NOTUM: variants seen among roughly 807,000 people sequenced by gnomAD.
NOTUM encodes notum, palmitoleoyl-protein carboxylesterase.
In NOTUM, 36 loss-of-function variants were observed where a neutral mutation model predicts 65.5. The observed-to-expected ratio is 0.55, with a 90% CI of 0.42 to 0.73. The LOEUF is 0.73. Among genes scored for constraint, NOTUM ranks in the 30% least tolerant of loss-of-function variants. The probability of loss-of-function intolerance (pLI) is 0.00; values close to 1 mark genes in which losing one functional copy is unlikely to be tolerated. For missense variants in NOTUM, 659 were observed against 694.2 expected (o/e 0.95, Z 0.57); for synonymous variants, 356 against 297.9 (o/e 1.20, Z -2.01).
chr17:81,958,352 G>A lies in NOTUM; in HGVS notation c.575C>T (p.Ser192Leu), dbSNP rs2041448971. The A allele has an allele frequency of 1.2e-6, 2 of 1,610,250 alleles. No homozygotes were observed. The highest frequency in any genetic ancestry group is 1.7e-6 in the Non-Finnish European group (2 of 1,177,866). ...AGACTCACTCTTCTCAGACTTGGATGAAGCCCCGCTCCAAACATCACTGGA... is the reference window on the plus strand; with the variant it reads ...AGACTCACTCTTCTCAGACTTGGATAAAGCCCCGCTCCAAACATCACTGGA... ...YCSSDVWSGASSKSEKNEYAF... is the reference protein window; with the variant it reads ...YCSSDVWSGALSKSEKNEYAF... Residue 192 changes from serine (S) to leucine (L), a missense_variant, in exon 5 of 11, where the codon TCA becomes TTA. Coordinates refer to ENST00000409678, the MANE Select transcript of NOTUM (RefSeq NM_178493.6).
chr17:81,957,950 G>C, intron 5 of NOTUM, 42 bp from the exon 6 acceptor site: 1 of 1,399,270 alleles, frequency 7.1e-7, no homozygotes, highest in Non-Finnish European at 9.9e-7. Context: ...GGCCTGGACA[G>C]AGAGAACCAC....
In NOTUM at chr17:81,953,095, G is replaced by T; in HGVS notation, c.1357C>A (p.Arg453=). 6.2e-7 allele frequency: 1 copy of T among 1,613,958 alleles called. No homozygotes were observed. Among genetic ancestry groups the T allele is most frequent in the Non-Finnish European group, 8.5e-7 (1 of 1,179,906 alleles). Residue 453 remains arginine, a synonymous_variant, in exon 11 of 11, where the codon CGA becomes AGA. Coordinates refer to ENST00000409678, the MANE Select transcript of NOTUM (RefSeq NM_178493.6). ...ATCTCTTGCCCCGTGAACTGGTCTCGGACGGTGGGGCATGAGGGGTTGCAG... is the reference window on the plus strand; with the variant it reads ...ATCTCTTGCCCCGTGAACTGGTCTCTGACGGTGGGGCATGAGGGGTTGCAG... ...PHCNPSCPTV[R]DQFTGQEMNV...
intron 8 of NOTUM, among the ~76,000 whole-genome samples, chr17:81,956,116 C>T (rs2041431486): frequency 6.6e-6 from 1 of 152,214 alleles, no homozygotes; most frequent in South Asian, 2.1e-4. Flanking sequence ...AAATCAACAA[C>T]TAAATCAATA....
chr17:81,957,960 C>T, intron 5 of NOTUM, 52 bp from the exon 6 acceptor site: 5 of 1,295,838 alleles, frequency 3.9e-6, no homozygotes, highest in East Asian at 2.5e-5. Flanking sequence ...GAGAGAACCA[C>T]CTCCTACCCC....
chr17:81,957,148 A>G, intron 6 of NOTUM, 74 bp from the exon 7 acceptor site: 5 of 1,338,902 alleles, frequency 3.7e-6, no homozygotes, highest in Non-Finnish European at 5.1e-6. Flanking sequence ...GCTCAGCGTC[A>G]GCCCGTGCCC....
In NOTUM at chr17:81,960,079, G is replaced by A. The variant is rs2041462896; in HGVS notation, c.324-387C>T. Among the ~76,000 whole-genome samples, 1 of 152,030 alleles carries A rather than the reference G, an allele frequency of 6.6e-6. No homozygotes were observed. The highest frequency in any genetic ancestry group is 6.5e-5 in the Admixed American group (1 of 15,270). ...CGCGGGGAGCGCGGGAGGCGCGGGCGGCACCGACCCGGCGGGGGAGCCTTC... is the reference window on the plus strand; with the variant it reads ...CGCGGGGAGCGCGGGAGGCGCGGGCAGCACCGACCCGGCGGGGGAGCCTTC... On this transcript the variant is annotated intron_variant, in intron 1 of 10. Transcript: ENST00000409678. The surrounding 1 kb of genome is among the most constrained non-coding windows in gnomAD (Gnocchi z 6.4).
chr17:81,958,907 T>G, intron 4 of NOTUM, 28 bp downstream of exon 4: 1 of 1,587,680 alleles, frequency 6.3e-7, no homozygotes, highest in Non-Finnish European at 8.6e-7. Context: ...CAGGCAGGAC[T>G]CCCAGGCAAG....
At chr17:81,957,627 G>C (rs944353820) in intron 6 of NOTUM, among the ~76,000 whole-genome samples, 179 bp downstream of exon 6, 4 of 152,110 alleles carry the variant, frequency 2.6e-5, no homozygotes, top group Non-Finnish European at 5.9e-5. Context: ...AGGCCTCAGA[G>C]ACGTCTCCAA....
chr17:81,956,101 TAACTAAATCAAC>T (rs2041431390), intron 8 of NOTUM, among the ~76,000 whole-genome samples: 1 of 152,156 alleles, frequency 6.6e-6, no homozygotes, highest in African/African-American at 2.4e-5. Context: ...ACTAAATCAA[TAACTAAATCAAC>T]AACTAAATCA....
rs1045964075 is a variant in NOTUM, at chr17:81,960,004, G to A, written c.324-312C>T. 2.0e-5 allele frequency among the ~76,000 whole-genome samples: 3 copies of A among 151,876 alleles called. No individual in the cohort carries two copies. Among genetic ancestry groups the A allele is most frequent in the Non-Finnish European group, 4.4e-5 (3 of 67,940 alleles). On this transcript the variant is annotated intron_variant, in intron 1 of 10. Coordinates refer to ENST00000409678, the MANE Select transcript of NOTUM (RefSeq NM_178493.6). The surrounding 1 kb of genome is among the most constrained non-coding windows in gnomAD (Gnocchi z 6.4). The stretch of plus-strand genomic sequence containing the variant: ...CGGGGCGCGCGGCGGCGCTTGAAGC[G>A]TGAAACGCGTCCGCACTGAAGGAGC...
chr17:81,953,283 G>C lies in NOTUM; in HGVS notation c.1185-16C>G. On this transcript the variant is annotated splice_polypyrimidine_tract_variant and intron_variant, in intron 10 of 10. Transcript: ENST00000409678. The stretch of plus-strand genomic sequence containing the variant: ...CGTCCAGTGGCTGCAGAGGAAAACC[G>C]GGGGAGGGGGTCACATGTGCGGAGT... The C allele has an allele frequency of 1.9e-6, 3 of 1,552,432 alleles. No homozygotes were observed. The highest frequency in any genetic ancestry group is 2.6e-6 in the Non-Finnish European group (3 of 1,143,400).
chr17:81,957,978 C>A, intron 5 of NOTUM, 70 bp from the exon 6 acceptor site: 1 of 1,182,100 alleles, frequency 8.5e-7, no homozygotes, highest in South Asian at 1.3e-5. Flanking sequence ...CCCAGAATGG[C>A]TGGCAGAGAA....
chr17:81,956,771 T>C (rs2041436519), intron 7 of NOTUM, 21 bp from the exon 8 acceptor site: 2 of 1,605,636 alleles, frequency 1.2e-6, no homozygotes, highest in East Asian at 2.2e-5. Context: ...AGCCACAGGT[T>C]AGGCTGCCGT....
At chr17:81,958,015 G>A (rs1221383342) in intron 5 of NOTUM, 107 bp from the exon 6 acceptor site, 3 of 839,342 alleles carry the variant, frequency 3.6e-6, no homozygotes, top group East Asian at 2.7e-5. Flanking sequence ...GGGACTGGGA[G>A]GAATCTTCTG....
At chr17:81,953,534 T>C (rs1403164234) in intron 10 of NOTUM, among the ~76,000 whole-genome samples, 1 of 152,094 alleles carries the variant, frequency 6.6e-6, no homozygotes, top group East Asian at 1.9e-4. Flanking sequence ...CGTCAGGTGA[T>C]CTGCCCCCAT....
At chr17:81,957,434 G>A (rs1308991768) in intron 6 of NOTUM, among the ~76,000 whole-genome samples, 2 of 152,112 alleles carry the variant, frequency 1.3e-5, no homozygotes, top group African/African-American at 2.4e-5. Flanking sequence ...TATGCCTGCT[G>A]GGATACAGGA....
At chr17:81,953,772 C>CTTTTTTTTTTTTTTTTTTTTTTT (rs35740276) in intron 10 of NOTUM, among the ~76,000 whole-genome samples, 1 of 141,552 alleles carries the variant, frequency 7.1e-6, no homozygotes, top group Non-Finnish European at 1.5e-5. Flanking sequence ...CAGCCTGAGT[C>CTTTTTTTTTTTTTTTTTTTTTTT]TTTTTTTTTT....
In NOTUM at chr17:81,952,622, T is replaced by C; in HGVS notation, c.*339A>G. 3.5e-6 allele frequency: 1 copy of C among 285,232 alleles called. No homozygotes were observed. 17.7% of individuals were successfully genotyped at this position (285,232 alleles called of 1,614,324 possible). A position where few individuals can be genotyped will look rare whatever the true frequency, so the allele number is the denominator to read the frequency against. On this transcript the variant is annotated 3_prime_UTR_variant, in exon 11 of 11. Coordinates refer to ENST00000409678, the MANE Select transcript of NOTUM (RefSeq NM_178493.6). ...AATTAAAGTAATAAAAAAGTCACTT[T>C]ATAAAATAATATAAAAGGGCTTGAT...
intron 9 of NOTUM, 66 bp downstream of exon 9, chr17:81,955,331 A>G (rs2041423276): frequency 4.4e-5 from 60 of 1,365,720 alleles, no homozygotes; most frequent in Non-Finnish European, 5.7e-5. Flanking sequence ...TTGTTTTCTC[A>G]GGACCTCTAT....
Sources: allele counts gnomAD v4.1 joint callset (sites outside exome capture counted in the v4.1 genomes callset), GRCh38; gene constraint gnomAD v4.1.1; non-coding constraint Gnocchi (gnomAD v3.1); transcripts MANE v1.5; gene names NCBI Gene and HGNC (gene_info 2026-07-23, HGNC 2026-07-21).